Variants in CAPN7 observed in about 807,000 individuals in gnomAD.
The protein encoded by CAPN7 is calpain 7.
A neutral mutation model predicts 115.2 loss-of-function variants in CAPN7; 72 were observed. The observed-to-expected ratio is 0.63, with a 90% CI of 0.52 to 0.76. The LOEUF is 0.76. Ranked by LOEUF, CAPN7 falls within the 30% of genes least tolerant of loss-of-function variation. The probability of loss-of-function intolerance (pLI) is 0.00; values close to 1 mark genes in which losing one functional copy is unlikely to be tolerated. For synonymous variants in CAPN7, 344 were observed against 322.3 expected, an observed-to-expected ratio of 1.07 and a Z score of -0.72; for missense variants, 905 against 971.5, an observed-to-expected ratio of 0.93 and a Z score of 0.91.
At chr3:15,217,923 TA>T in intron 3 of CAPN7, among the ~76,000 whole-genome samples, 1 of 152,330 alleles carries the variant, frequency 6.6e-6, no homozygotes, top group East Asian at 1.9e-4. Flanking sequence ...AAAAATAAGC[TA>T]GTGGTTTGGA....
At position 15,213,445 on chromosome 3, in the gene CAPN7, A is replaced by C. The variant is rs151029861; in HGVS notation, c.211+1233A>C. 7.2e-3 allele frequency among the ~76,000 whole-genome samples: 1,104 copies of C among 152,344 alleles called. 12 individuals are homozygous for C. Among genetic ancestry groups the C allele is most frequent in the African/African-American group, 0.023 (972 of 41,570 alleles). On this transcript the variant is annotated intron_variant, in intron 2 of 20. Coordinates refer to ENST00000253693, the MANE Select transcript of CAPN7 (RefSeq NM_014296.3). ...GAGAGAACAGTGTCAACATTGCACT[A>C]TCATGGAAACCCCTTTCTGAAGCAT...
intron 16 of CAPN7, among the ~76,000 whole-genome samples, chr3:15,244,546 A>G (rs1219856428): frequency 6.6e-6 from 1 of 152,182 alleles, no homozygotes. Flanking sequence ...ACCACCCCTA[A>G]TCATTAGAGA....
chr3:15,218,808 G>T (rs1472380103), intron 4 of CAPN7, among the ~76,000 whole-genome samples: 1 of 152,328 alleles, frequency 6.6e-6, no homozygotes, highest in Non-Finnish European at 1.5e-5. Context: ...CCTCCTTTCT[G>T]TTATGTAATA....
At chr3:15,230,357 G>A (rs1040037265) in intron 8 of CAPN7, 85 bp from the exon 9 acceptor site, 9 of 851,310 alleles carry the variant, frequency 1.1e-5, no homozygotes, top group South Asian at 3.2e-5. Context: ...CAAGACGGTA[G>A]TATATACCTG....
intron 1 of CAPN7, among the ~76,000 whole-genome samples, chr3:15,207,877 T>C (rs1004856319): frequency 2.6e-5 from 4 of 152,108 alleles, no homozygotes; most frequent in African/African-American, 9.7e-5. Flanking sequence ...ATAAAAGGAG[T>C]ATACTAACAG....
intron 4 of CAPN7, 64 bp downstream of exon 4, chr3:15,218,604 C>A: frequency 1.7e-6 from 2 of 1,153,292 alleles, no homozygotes; most frequent in South Asian, 1.3e-5. Context: ...ACAAATTTAT[C>A]TAAATGTGTT....
At chr3:15,244,888 C>T (rs1483884737) in intron 16 of CAPN7, among the ~76,000 whole-genome samples, 2 of 151,968 alleles carry the variant, frequency 1.3e-5, no homozygotes, top group Non-Finnish European at 2.9e-5. Flanking sequence ...AACAACATAG[C>T]TCTTTTTAAA....
Position 15,252,320 on chromosome 3 carries a change from T to A in CAPN7, c.*1060T>A, listed in dbSNP as rs1016894721. The A allele has an allele frequency of 6.6e-6, 1 of 152,630 alleles. No individual in the cohort carries two copies. The highest frequency in any genetic ancestry group is 1.5e-5 in the Non-Finnish European group (1 of 68,022). 9.5% of individuals were successfully genotyped at this position (152,630 alleles called of 1,614,324 possible). On this transcript the variant is annotated 3_prime_UTR_variant, in exon 21 of 21. Transcript: ENST00000253693. ...ACTTACGGATATTGCATAGTTTAAG[T>A]TAGATTTATTGAAAGATTTCATCTG...
intron 15 of CAPN7, 59 bp from the exon 16 acceptor site, chr3:15,242,119 G>A (rs537541166): frequency 9.0e-7 from 1 of 1,112,182 alleles, no homozygotes; most frequent in Admixed American, 2.3e-5. Context: ...GATTTAAAAA[G>A]AAAATAAATA....
intron 9 of CAPN7, among the ~76,000 whole-genome samples, chr3:15,231,919 C>T (rs749630786): frequency 2.2e-4 from 33 of 152,154 alleles, no homozygotes; most frequent in Non-Finnish European, 4.0e-4. Context: ...TCTACTCTTA[C>T]AACTATACAT....
chr3:15,244,297 T>G (rs754384772), intron 16 of CAPN7, among the ~76,000 whole-genome samples: 1 of 152,224 alleles, frequency 6.6e-6, no homozygotes, highest in African/African-American at 2.4e-5. Context: ...GTGACAAATA[T>G]CGAGTTAAAC....
intron 19 of CAPN7, among the ~76,000 whole-genome samples, chr3:15,249,693 C>A (rs1695884988): frequency 6.6e-6 from 1 of 152,018 alleles, no homozygotes. Context: ...CTAAGTACTT[C>A]TGTAAATTCA....
intron 15 of CAPN7, 121 bp from the exon 16 acceptor site, chr3:15,242,057 C>G (rs573653531): frequency 2.2e-5 from 15 of 679,018 alleles, no homozygotes; most frequent in South Asian, 2.1e-4. Context: ...GAAAACAATG[C>G]TCTTAAAATT....
chr3:15,226,984 C>T (rs1419962336), intron 6 of CAPN7, among the ~76,000 whole-genome samples: 3 of 151,876 alleles, frequency 2.0e-5, no homozygotes, highest in South Asian at 2.1e-4. Context: ...GGCCTGGTGG[C>T]TTGTGTCTGT....
rs766941588 is a variant in CAPN7, at chr3:15,217,389, T to C, written c.212-36T>C. The C allele has an allele frequency of 6.6e-6, 10 of 1,508,622 alleles. No homozygotes were observed. In the African/African-American group the frequency reaches 8.5e-5, roughly 13 times the overall value. 93.5% of individuals were successfully genotyped at this position (1,508,622 alleles called of 1,614,324 possible). A position where few individuals can be genotyped will look rare whatever the true frequency, so the allele number is the denominator to read the frequency against. On this transcript the variant is annotated intron_variant, in intron 2 of 20. Coordinates refer to ENST00000253693, the MANE Select transcript of CAPN7 (RefSeq NM_014296.3). The stretch of plus-strand genomic sequence containing the variant: ...AGTGTGTTTTCTGGCTGTATTTAGA[T>C]AATACTCCTTCTGCGTATTTTTTTT...
chr3:15,212,621 G>A (rs1446966698), intron 2 of CAPN7, among the ~76,000 whole-genome samples: 4 of 151,978 alleles, frequency 2.6e-5, no homozygotes, highest in African/African-American at 7.3e-5. Flanking sequence ...CTTCTCTTTC[G>A]GTGTCTTCTA....
chr3:15,235,723 T>C (rs1295918708), intron 12 of CAPN7, among the ~76,000 whole-genome samples: 1 of 152,140 alleles, frequency 6.6e-6, no homozygotes, highest in Non-Finnish European at 1.5e-5. Flanking sequence ...GGGGCAGAGC[T>C]CAGGCTGTAA....
intron 16 of CAPN7, among the ~76,000 whole-genome samples, chr3:15,244,811 T>C (rs1261267697): frequency 1.3e-5 from 2 of 152,166 alleles, no homozygotes; most frequent in Non-Finnish European, 2.9e-5. Flanking sequence ...GGGGTGTAGA[T>C]AAAATGTCAT....
At chr3:15,242,046 TG>T (rs1695379666) in intron 15 of CAPN7, 131 bp from the exon 16 acceptor site, 1 of 663,876 alleles carries the variant, frequency 1.5e-6, no homozygotes, top group African/African-American at 1.8e-5. Context: ...ACTAAATAGC[TG>T]AAAACAATGC....
Sources: gnomAD v4.1 joint callset for allele counts (sites outside exome capture counted in the v4.1 genomes callset) on GRCh38, gnomAD v4.1.1 for gene constraint, MANE v1.5 for transcripts, NCBI Gene and HGNC (gene_info 2026-07-23, HGNC 2026-07-21) for gene names.